CRMP1: variants seen among roughly 807,000 people sequenced by gnomAD.
CRMP1 encodes collapsin response mediator protein 1.
CRMP1 carries 19 observed loss-of-function variants against 68.3 expected under a neutral mutation model. That is an observed-to-expected ratio of 0.28 (90% CI 0.19 to 0.41). The LOEUF (loss-of-function observed/expected upper bound fraction) is 0.41, where lower values mean the gene tolerates loss of function less well. CRMP1 is among the 10% of genes least tolerant of loss of function. CRMP1 has a pLI of 1.00. For synonymous variants in CRMP1, 439 were observed against 399.6 expected, an observed-to-expected ratio of 1.10 and a Z score of -1.18; for missense variants, 791 against 967.4, an observed-to-expected ratio of 0.82 and a Z score of 2.42.
chr4:5,837,038 T>C, intron 9 of CRMP1, 132 bp from the exon 10 acceptor site: 3 of 1,030,618 alleles, frequency 2.9e-6, no homozygotes, highest in Non-Finnish European at 4.2e-6. Context: ...TAAGAGAGAC[T>C]CTCTAGCGTG....
intron 1 of CRMP1, among the ~76,000 whole-genome samples, chr4:5,875,299 G>A (rs990907148): frequency 7.3e-5 from 11 of 151,552 alleles, no homozygotes; most frequent in African/African-American, 2.7e-4. Context: ...ACCTCCCCGG[G>A]TTCTGTTCTC....
chr4:5,839,355 T>C (rs1711530906), intron 9 of CRMP1, among the ~76,000 whole-genome samples, 167 bp downstream of exon 9: 1 of 152,124 alleles, frequency 6.6e-6, no homozygotes, highest in African/African-American at 2.4e-5. Context: ...GATCTTCAGG[T>C]CCGTGAGGGC....
chr4:5,887,301 T>C, intron 1 of CRMP1: 1 of 947,358 alleles, frequency 1.1e-6, no homozygotes, highest in Non-Finnish European at 1.3e-6. Context: ...GCAGGCTGGG[T>C]CTCCAGTAGT....
rs867110857 is a variant in CRMP1, at chr4:5,865,570, G to C, written c.470+1098C>G. Among the ~76,000 whole-genome samples the C allele has an allele frequency of 6.7e-6, 1 of 149,334 alleles. No individual in the cohort carries two copies. Among genetic ancestry groups the C allele is most frequent in the Non-Finnish European group, 1.5e-5 (1 of 67,688 alleles). On this transcript the variant is annotated intron_variant, in intron 2 of 13. Transcript: ENST00000324989. The surrounding 1 kb of genome is among the most constrained non-coding windows in gnomAD (Gnocchi z 4.1). Reference sequence around the variant, plus strand: ...CGGGAAGTGGAGGTTGCAGTGAGCCGAGATTGTGCCACTGCACTCCAGCCT... The same window carrying C: ...CGGGAAGTGGAGGTTGCAGTGAGCCCAGATTGTGCCACTGCACTCCAGCCT...
chr4:5,869,758 T>G (rs12508543), intron 1 of CRMP1, among the ~76,000 whole-genome samples: 82,524 of 150,738 alleles, frequency 0.55, 23,359 homozygotes, highest in East Asian at 0.75. Context: ...TGCTCTGACA[T>G]CAGAGCCTAA....
At chr4:5,823,439 G>A (rs189257040) in intron 13 of CRMP1, among the ~76,000 whole-genome samples, 21 of 152,252 alleles carry the variant, frequency 1.4e-4, no homozygotes, top group Non-Finnish European at 2.8e-4. Flanking sequence ...GAAAATACCT[G>A]CTGGAAAAAA....
rs577520599 is a variant in CRMP1 at position 5,860,858 on chromosome 4, C to T, written c.655+168G>A. ...CATCTTCTGTGGCCCCAGTGGCACA[C>T]ACGGTATGCTCTGTAAAACAGTGAC... On this transcript the variant is annotated intron_variant, in intron 3 of 13. Coordinates refer to ENST00000324989, the MANE Select transcript of CRMP1 (RefSeq NM_001014809.3). The surrounding 1 kb of genome is among the most constrained non-coding windows in gnomAD (Gnocchi z 4.2). Among the ~76,000 whole-genome samples, 4 of 152,308 alleles carry T rather than the reference C, an allele frequency of 2.6e-5. No individual in the cohort carries two copies. Among genetic ancestry groups the T allele is most frequent in the South Asian group, 4.1e-4 (2 of 4,826 alleles).
rs1718672133 is a variant in CRMP1, at chr4:5,822,006, CAG to C, written c.1970-157_1970-156del. Among the ~76,000 whole-genome samples the C allele has an allele frequency of 7.3e-5, 9 of 124,028 alleles. No individual in the cohort carries two copies. The South Asian group carries it at 2.1e-3, about 29-fold the overall frequency. 81.4% of individuals were successfully genotyped at this position (124,028 alleles called of 152,430 possible). ...CCATGGGAAGCCTCCCTGGCCTCCA[CAG>C]AGTCCACTGCTCCCTCTTCTGTGCC... On this transcript the variant is annotated intron_variant, in intron 13 of 13. Transcript: ENST00000324989.
chr4:5,850,455 A>AT lies in CRMP1; in HGVS notation c.882+952dup. ...TCAAAGGCCTCCAGGACATCTTGGGATAAGTTATTTTCTGTAACCCCAAGT... is the reference window on the plus strand; with the variant it reads ...TCAAAGGCCTCCAGGACATCTTGGGATTAAGTTATTTTCTGTAACCCCAAGT... On this transcript the variant is annotated intron_variant, in intron 5 of 13. Transcript: ENST00000324989. This position sits in a 1 kb window ranked among gnomAD's most constrained non-coding sequence, Gnocchi z 4.4. 6.6e-6 allele frequency among the ~76,000 whole-genome samples: 1 copy of AT among 152,234 alleles called. No individual in the cohort carries two copies. The highest frequency in any genetic ancestry group is 1.9e-4 in the East Asian group (1 of 5,178).
chr4:5,845,067 C>T (rs909122478), intron 6 of CRMP1, among the ~76,000 whole-genome samples: 5 of 152,210 alleles, frequency 3.3e-5, no homozygotes, highest in East Asian at 1.9e-4. Flanking sequence ...GGATCTCACA[C>T]GCCTCGGATT....
In CRMP1 at chr4:5,838,461, T is replaced by C. The variant is rs889664489; in HGVS notation, c.1310+1061A>G. On this transcript the variant is annotated intron_variant, in intron 9 of 13. Coordinates refer to ENST00000324989, the MANE Select transcript of CRMP1 (RefSeq NM_001014809.3). This position sits in a 1 kb window ranked among gnomAD's most constrained non-coding sequence, Gnocchi z 4.9. Reference sequence around the variant, plus strand: ...TGATGGGTAGGGTGGGGTGGGCCCGTGTGGAAATAGAAAGTCTTGGTCGGA... The same window carrying C: ...TGATGGGTAGGGTGGGGTGGGCCCGCGTGGAAATAGAAAGTCTTGGTCGGA... 9.9e-5 allele frequency among the ~76,000 whole-genome samples: 15 copies of C among 151,890 alleles called. No homozygotes were observed. Among genetic ancestry groups the C allele is most frequent in the African/African-American group, 3.1e-4 (13 of 41,326 alleles).
rs952503289 is a variant in CRMP1 at position 5,889,839 on chromosome 4, C to T, written c.381+2750G>A. 6.8e-7 allele frequency: 1 copy of T among 1,464,908 alleles called. No individual in the cohort carries two copies. Among genetic ancestry groups the T allele is most frequent in the Non-Finnish European group, 9.0e-7 (1 of 1,111,288 alleles). The allele number at this position is 1,464,908 out of a possible 1,614,324, so 90.7% of individuals were successfully genotyped here. ...AATCCAGGGCAGGAGGCCAGAGACA[C>T]CTGGGCCTTAAAATAGAGGTGAGGT... is the stretch of plus-strand genomic sequence containing the variant. On this transcript the variant is annotated intron_variant, in intron 1 of 13. Coordinates refer to ENST00000324989, the MANE Select transcript of CRMP1 (RefSeq NM_001014809.3). The surrounding 1 kb of genome is among the most constrained non-coding windows in gnomAD (Gnocchi z 4.5).
In CRMP1 at chr4:5,825,464, T is replaced by TG; in HGVS notation, c.1969+29dup. 6.5e-7 allele frequency: 1 copy of TG among 1,540,082 alleles called. No individual in the cohort carries two copies. The highest frequency in any genetic ancestry group is 1.3e-5 in the South Asian group (1 of 78,078). On this transcript the variant is annotated intron_variant, in intron 13 of 13. Coordinates refer to ENST00000324989, the MANE Select transcript of CRMP1 (RefSeq NM_001014809.3). The surrounding 1 kb of genome is among the most constrained non-coding windows in gnomAD (Gnocchi z 4.4). ...GACTCGGCCTGAACTGCTGCAATTGTGGGGAGCCTGGGCCACCACTCTTTC... is the reference window on the plus strand; with the variant it reads ...GACTCGGCCTGAACTGCTGCAATTGTGGGGGAGCCTGGGCCACCACTCTTTC...
intron 1 of CRMP1, among the ~76,000 whole-genome samples, chr4:5,868,253 C>CTATATATCTATATATATA (rs1331353304): frequency 2.4e-5 from 2 of 83,132 alleles, no homozygotes; most frequent in African/African-American, 8.4e-5. Context: ...TTCTTCATGA[C>CTATATATCTATATATATA]TATATATCTA....
rs562872928 is a variant in CRMP1 at position 5,821,506 on chromosome 4, C to T, written c.*254G>A. 5.7e-6 allele frequency: 3 copies of T among 526,002 alleles called. No homozygotes were observed. Among genetic ancestry groups the T allele is most frequent in the Non-Finnish European group, 6.8e-6 (2 of 292,278 alleles). 32.6% of individuals were successfully genotyped at this position (526,002 alleles called of 1,614,324 possible). A position where few individuals can be genotyped will look rare whatever the true frequency, so the allele number is the denominator to read the frequency against. On this transcript the variant is annotated 3_prime_UTR_variant, in exon 14 of 14. Transcript: ENST00000324989. This position sits in a 1 kb window ranked among gnomAD's most constrained non-coding sequence, Gnocchi z 4.4. Reference sequence around the variant, plus strand: ...AGACAATGCTAAAACCTGTGGTTCACTAGGAAGGGGGAATGAAAACACCAT... The same window carrying T: ...AGACAATGCTAAAACCTGTGGTTCATTAGGAAGGGGGAATGAAAACACCAT...
At position 5,825,964 on chromosome 4, in the gene CRMP1, G is replaced by A. The variant is rs1719537456; in HGVS notation, c.1804-305C>T. 2.3e-6 allele frequency: 1 copy of A among 426,302 alleles called. No homozygotes were observed. Among genetic ancestry groups the A allele is most frequent in the Non-Finnish European group, 4.2e-6 (1 of 239,166 alleles). 26.4% of individuals were successfully genotyped at this position (426,302 alleles called of 1,614,324 possible). ...CATGCACACATATATGCATGCACAT[G>A]CAGTAACAAAACAGGCCTACACAGT... On this transcript the variant is annotated intron_variant, in intron 12 of 13. Transcript: ENST00000324989. This position sits in a 1 kb window ranked among gnomAD's most constrained non-coding sequence, Gnocchi z 4.4.
In CRMP1 at chr4:5,860,806, C is replaced by G. The variant is rs144487481; in HGVS notation, c.655+220G>C. Among the ~76,000 whole-genome samples the G allele has an allele frequency of 1.9e-4, 29 of 152,140 alleles. No individual in the cohort carries two copies. The highest frequency in any genetic ancestry group is 3.1e-4 in the Non-Finnish European group (21 of 68,000). On this transcript the variant is annotated intron_variant, in intron 3 of 13. Coordinates refer to ENST00000324989, the MANE Select transcript of CRMP1 (RefSeq NM_001014809.3). The surrounding 1 kb of genome is among the most constrained non-coding windows in gnomAD (Gnocchi z 4.2). ...TAAAAATAATTTTTTAAAATTGGTA[C>G]CTATAAAACCGTATTGTTTATTAAG...
At chr4:5,831,782 C>CTTCAT (rs1720397429) in intron 11 of CRMP1, among the ~76,000 whole-genome samples, 3 of 152,164 alleles carry the variant, frequency 2.0e-5, no homozygotes, top group Non-Finnish European at 4.4e-5. Flanking sequence ...ACATCAATTC[C>CTTCAT]TTCATTTCTT....
chr4:5,852,008 G>T (rs545203055), intron 4 of CRMP1, among the ~76,000 whole-genome samples: 6 of 151,414 alleles, frequency 4.0e-5, no homozygotes, highest in African/African-American at 1.5e-4. Flanking sequence ...GAAAGAGGAC[G>T]AGGAGGAGGA....
Sources: allele counts gnomAD v4.1 joint callset (sites outside exome capture counted in the v4.1 genomes callset), GRCh38; gene constraint gnomAD v4.1.1; non-coding constraint Gnocchi (gnomAD v3.1); transcripts MANE v1.5; gene names NCBI Gene and HGNC (gene_info 2026-07-23, HGNC 2026-07-21).